The following FAM184A variants were observed in gnomAD, a reference collection of about 807,000 sequenced individuals.
FAM184A encodes the protein protein FAM184A.
Under a neutral mutation model 143.8 loss-of-function variants are expected in FAM184A, and 99 were observed. The ratio of observed to expected loss-of-function variants is 0.69; its 90% CI spans 0.58 to 0.81. The LOEUF (loss-of-function observed/expected upper bound fraction) is 0.81, where lower values mean the gene tolerates loss of function less well. FAM184A is among the 40% of genes least tolerant of loss of function. The pLI, the probability that FAM184A is intolerant of heterozygous loss-of-function variation, is 0.00. For missense variants in FAM184A, 1,217 were observed against 1,310.5 expected (o/e 0.93, Z 1.10); for synonymous variants, 427 against 446.4 (o/e 0.96, Z 0.55).
intron 1 of FAM184A, among the ~76,000 whole-genome samples, chr6:119,049,206 G>C (rs1334748158): frequency 6.6e-6 from 1 of 152,224 alleles, no homozygotes; most frequent in African/African-American, 2.4e-5. Flanking sequence ...CCAGCCCTTT[G>C]GGAGGCCAAG....
In FAM184A at chr6:119,046,576, C is replaced by A. The variant is rs867134262; in HGVS notation, c.160-21763G>T. ...TATACCTACCAAATAAAAAAAAAAACTATGCAAAAATACACCATAATTTTT... is the reference window on the plus strand; with the variant it reads ...TATACCTACCAAATAAAAAAAAAAAATATGCAAAAATACACCATAATTTTT... On this transcript the variant is annotated intron_variant, in intron 1 of 17. Transcript: ENST00000338891. 3.4e-5 allele frequency among the ~76,000 whole-genome samples: 5 copies of A among 145,500 alleles called. No homozygotes were observed. In the South Asian group the frequency reaches 1.1e-3, roughly 33 times the overall value.
chr6:119,145,163 C>T lies in FAM184A; in HGVS notation c.-202+3915G>A, dbSNP rs141271457. 3.0e-3 allele frequency among the ~76,000 whole-genome samples: 450 copies of T among 152,260 alleles called. 1 individual carries two copies. The highest frequency in any genetic ancestry group is 0.01 in the African/African-American group (419 of 41,540). ...AGAATCCATCCATGGCAGGTATTCT[C>T]TCTGCTCCCTCTCTGCTGGTCCCTA... On this transcript the variant is annotated intron_variant, in intron 1 of 16. Transcript: ENST00000352896.
chr6:119,078,183 C>T lies in FAM184A; in HGVS notation c.117G>A (p.Glu39=), dbSNP rs765895833. The T allele has an allele frequency of 1.3e-6, 2 of 1,591,226 alleles. No homozygotes were observed. Among genetic ancestry groups the T allele is most frequent in the South Asian group, 1.1e-5 (1 of 87,706 alleles). ...LAGHSMDYSQ[E]MHLKMSKKIA... is the part of the protein sequence containing the mutation. ...TTTTCTTGCTCATTTTCAGGTGCATCTCCTGGCTGTAGTCCATGCTGTGCC... is the reference window on the plus strand; with the variant it reads ...TTTTCTTGCTCATTTTCAGGTGCATTTCCTGGCTGTAGTCCATGCTGTGCC... The change falls in exon 1 of 18, where the codon GAG becomes GAA. Residue 39 remains glutamate (E), a synonymous_variant. Coordinates refer to ENST00000338891, the MANE Select transcript of FAM184A (RefSeq NM_024581.6). The surrounding 1 kb of genome is among the most constrained non-coding windows in gnomAD (Gnocchi z 5.5).
intron 1 of FAM184A, among the ~76,000 whole-genome samples, chr6:119,141,773 G>C (rs959954237): frequency 6.6e-6 from 1 of 151,992 alleles, no homozygotes; most frequent in South Asian, 2.1e-4. Flanking sequence ...CACTGTGCCC[G>C]GCCCCTGTGC....
intron 1 of FAM184A, among the ~76,000 whole-genome samples, chr6:119,136,088 C>A (rs1387982352): frequency 1.3e-5 from 2 of 149,234 alleles, no homozygotes; most frequent in African/African-American, 4.9e-5. Context: ...ACCATCCTGG[C>A]TAACAAGGTG....
chr6:119,113,118 G>A (rs1788974150), intron 1 of FAM184A, among the ~76,000 whole-genome samples: 1 of 152,146 alleles, frequency 6.6e-6, no homozygotes, highest in Non-Finnish European at 1.5e-5. Context: ...GGGTACTACT[G>A]CCAGCCCATT....
chr6:119,095,111 C>T (rs1259153873), intron 1 of FAM184A, among the ~76,000 whole-genome samples: 1 of 152,154 alleles, frequency 6.6e-6, no homozygotes, highest in African/African-American at 2.4e-5. Flanking sequence ...CAAAGGTGGG[C>T]TGAGTGGATG....
chr6:118,960,027 G>T lies in FAM184A; in HGVS notation c.*76C>A. The T allele has an allele frequency of 8.8e-7, 1 of 1,140,126 alleles. No homozygotes were observed. Among genetic ancestry groups the T allele is most frequent in the South Asian group, 1.5e-5 (1 of 66,614 alleles). 70.6% of individuals were successfully genotyped at this position (1,140,126 alleles called of 1,614,324 possible). ...CATTCACAGTGTTTGACATAGGAAA[G>T]CCTATTTACATAACAATCTGTATAA... On this transcript the variant is annotated 3_prime_UTR_variant, in exon 18 of 18. Coordinates refer to ENST00000338891, the MANE Select transcript of FAM184A (RefSeq NM_024581.6).
At chr6:119,079,677 C>A (rs1473747797), upstream of FAM184A, among the ~76,000 whole-genome samples, 1 of 152,196 alleles carries the variant, frequency 6.6e-6, no homozygotes, top group African/African-American at 2.4e-5. Flanking sequence ...GAACCAAATT[C>A]CCCAACTCCA....
At chr6:119,081,290 C>T (rs9489587), upstream of FAM184A, among the ~76,000 whole-genome samples, 4,822 of 152,206 alleles carry the variant, frequency 0.032, 106 homozygotes, top group African/African-American at 0.06. Flanking sequence ...GGGAAGCCAC[C>T]CCCATGATCC....
intron 1 of FAM184A, among the ~76,000 whole-genome samples, chr6:119,104,916 G>A (rs1388894843): frequency 6.6e-6 from 1 of 152,086 alleles, no homozygotes; most frequent in African/African-American, 2.4e-5. Flanking sequence ...GTTGATTTCT[G>A]TGATCTTCAC....
At chr6:119,002,850 G>A in intron 9 of FAM184A, 49 bp downstream of exon 9, 8 of 1,454,600 alleles carry the variant, frequency 5.5e-6, no homozygotes, top group Non-Finnish European at 7.3e-6. Context: ...TGCCTAGCCA[G>A]AGAATGTCAA....
chr6:118,975,901 G>T lies in FAM184A; in HGVS notation c.2583+16C>A. The T allele has an allele frequency of 6.2e-7, 1 of 1,607,794 alleles. No homozygotes were observed. ...AAATTTAAGAAATCATCAGAGTACA[G>T]AATACTCTTACTTACCTGTCTTCTG... is the stretch of plus-strand genomic sequence containing the variant. On this transcript the variant is annotated intron_variant, in intron 12 of 17. Coordinates refer to ENST00000338891, the MANE Select transcript of FAM184A (RefSeq NM_024581.6).
intron 1 of FAM184A, among the ~76,000 whole-genome samples, chr6:119,089,258 C>T (rs1389301634): frequency 1.3e-5 from 2 of 151,024 alleles, no homozygotes; most frequent in Non-Finnish European, 2.9e-5. Flanking sequence ...GGCTGGAGTG[C>T]AGTGGCTTGA....
intron 1 of FAM184A, among the ~76,000 whole-genome samples, chr6:119,112,700 A>G (rs1009277389): frequency 6.6e-6 from 1 of 152,208 alleles, no homozygotes; most frequent in Non-Finnish European, 1.5e-5. Flanking sequence ...ATTGAATTTT[A>G]TTCTTTTGGA....
At chr6:119,098,763 G>A (rs928740364) in intron 1 of FAM184A, among the ~76,000 whole-genome samples, 17 of 152,148 alleles carry the variant, frequency 1.1e-4, no homozygotes, top group African/African-American at 4.1e-4. Context: ...TCTTATGTGA[G>A]GTCTACGTGC....
chr6:119,041,635 G>A (rs971810144), intron 1 of FAM184A, among the ~76,000 whole-genome samples: 5 of 151,962 alleles, frequency 3.3e-5, no homozygotes, highest in Non-Finnish European at 7.4e-5. Context: ...GTTTGTTACG[G>A]CTAGAGCTGA....
At position 119,061,525 on chromosome 6, in the gene FAM184A, A is replaced by ATTTTT. The variant is rs1476201793; in HGVS notation, c.159+16611_159+16615dup. Among the ~76,000 whole-genome samples the ATTTTT allele has an allele frequency of 5.2e-3, 269 of 51,564 alleles. 4 individuals are homozygous for ATTTTT. Among genetic ancestry groups the ATTTTT allele is most frequent in the Middle Eastern group, 0.015 (1 of 68 alleles). The allele number at this position is 51,564 out of a possible 152,430, so 33.8% of individuals were successfully genotyped here. A position where few individuals can be genotyped will look rare whatever the true frequency, so the allele number is the denominator to read the frequency against. ...TGTGTGCTACCATGCCTGGCTAATT[A>ATTTTT]TTTTTCTTTTTTTTTTTTTTTTTTT... is the stretch of plus-strand genomic sequence containing the variant. On this transcript the variant is annotated intron_variant, in intron 1 of 17. Coordinates refer to ENST00000338891, the MANE Select transcript of FAM184A (RefSeq NM_024581.6).
chr6:119,122,741 G>A (rs113251453), intron 1 of FAM184A, among the ~76,000 whole-genome samples: 15,189 of 151,480 alleles, frequency 0.1, 988 homozygotes, highest in East Asian at 0.31. Flanking sequence ...GGGCAACATG[G>A]CAAAACCCTG....
Sources: allele counts gnomAD v4.1 joint callset (sites outside exome capture counted in the v4.1 genomes callset), GRCh38; gene constraint gnomAD v4.1.1; non-coding constraint Gnocchi (gnomAD v3.1); transcripts MANE v1.5; gene names NCBI Gene and HGNC (gene_info 2026-07-23, HGNC 2026-07-21).